The following UROS variants were observed in gnomAD, a reference collection of about 807,000 sequenced individuals.
UROS encodes the protein uroporphyrinogen III synthase.
In UROS, 18 loss-of-function variants were observed where a neutral mutation model predicts 33.0. The ratio of observed to expected loss-of-function variants is 0.55; its 90% CI spans 0.38 to 0.81. The LOEUF (loss-of-function observed/expected upper bound fraction) is 0.81, where lower values mean the gene tolerates loss of function less well. Ranked by LOEUF, UROS falls within the 30% of genes least tolerant of loss-of-function variation. UROS has a pLI of 0.00. For missense variants in UROS, 293 were observed against 314.9 expected, an observed-to-expected ratio of 0.93 and a Z score of 0.53; for synonymous variants, 114 against 121.1, an observed-to-expected ratio of 0.94 and a Z score of 0.38.
intron 1 of UROS, among the ~76,000 whole-genome samples, chr10:125,817,990 G>T (rs1853500952): frequency 6.6e-6 from 1 of 152,118 alleles, no homozygotes. Context: ...TTTCTCCTGG[G>T]TTCTAATCTG....
chr10:125,792,173 A>C (rs1001242484), intron 9 of UROS: 3 of 152,224 alleles, frequency 2.0e-5, no homozygotes, highest in African/African-American at 7.2e-5. Flanking sequence ...AAATTTGAAA[A>C]AAAGAAACTC....
In UROS at chr10:125,796,116, T is replaced by C. The variant is rs757604114; in HGVS notation, c.548A>G (p.Tyr183Cys). The change falls in exon 8 of 10, where the codon TAC becomes TGC. Residue 183 changes from tyrosine to cysteine, a missense_variant. By Grantham distance (194) the Tyr-to-Cys change is radical. Transcript: ENST00000368797. ...HPGIQGNLNS[Y>C]YSQQGVPASI... ...AACGCCACGTACCTGCTGGGAATAG[T>C]AGCTGTTCAGGTTCCCTTGGATTCC... 4 of 1,614,130 alleles carry C rather than the reference T, an allele frequency of 2.5e-6. No homozygotes were observed. Among genetic ancestry groups the C allele is most frequent in the Non-Finnish European group, 3.4e-6 (4 of 1,180,034 alleles).
intron 6 of UROS, chr10:125,801,989 A>G (rs1851872817): frequency 1.0e-6 from 1 of 983,116 alleles, no homozygotes; most frequent in East Asian, 1.1e-4. Flanking sequence ...ATTCTATTAA[A>G]GAGCTAATTG....
At chr10:125,805,052 C>A (rs1383099396) in intron 6 of UROS, among the ~76,000 whole-genome samples, 1 of 152,210 alleles carries the variant, frequency 6.6e-6, no homozygotes, top group East Asian at 1.9e-4. Context: ...GCAAGAGAGG[C>A]GTCAGTCAAT....
At chr10:125,802,798 G>A in intron 6 of UROS, 5 of 1,443,806 alleles carry the variant, frequency 3.5e-6, no homozygotes, top group Non-Finnish European at 4.5e-6. Context: ...TACAGACTGA[G>A]GCATCTGTGC....
chr10:125,794,628 G>A (rs1405730957), intron 9 of UROS, among the ~76,000 whole-genome samples: 5 of 152,214 alleles, frequency 3.3e-5, no homozygotes, highest in South Asian at 4.2e-4. Flanking sequence ...ATCCTAAGCA[G>A]GGAAGACCAT....
intron 1 of UROS, among the ~76,000 whole-genome samples, chr10:125,821,746 C>A (rs901857179): frequency 6.6e-6 from 1 of 152,142 alleles, no homozygotes; most frequent in Non-Finnish European, 1.5e-5. Context: ...CTAATCTTAG[C>A]CTTTTGATGG....
At chr10:125,800,993 G>A (rs571687212) in intron 6 of UROS, among the ~76,000 whole-genome samples, 38 of 152,352 alleles carry the variant, frequency 2.5e-4, no homozygotes, top group African/African-American at 7.7e-4. Flanking sequence ...AAAAAGTCCT[G>A]CATCAATGAC....
At chr10:125,819,134 G>A (rs764967126) in intron 1 of UROS, among the ~76,000 whole-genome samples, 7 of 152,202 alleles carry the variant, frequency 4.6e-5, no homozygotes, top group East Asian at 3.9e-4. Context: ...ACAGGCATGC[G>A]CCACCATGCC....
intron 1 of UROS, among the ~76,000 whole-genome samples, chr10:125,819,383 T>C (rs60572374): frequency 1.3e-5 from 2 of 152,264 alleles, no homozygotes; most frequent in African/African-American, 2.4e-5. Context: ...GGAGACAAGA[T>C]TGAGGTTGCT....
intron 6 of UROS, among the ~76,000 whole-genome samples, chr10:125,799,455 G>A (rs1271034707): frequency 6.6e-6 from 1 of 152,172 alleles, no homozygotes; most frequent in Non-Finnish European, 1.5e-5. Context: ...AGCTCTTCCT[G>A]GGGATCCAGT....
At chr10:125,812,573 A>G (rs946146798) in intron 4 of UROS, among the ~76,000 whole-genome samples, 2 of 152,240 alleles carry the variant, frequency 1.3e-5, no homozygotes, top group South Asian at 2.1e-4. Flanking sequence ...CACGAAATCA[A>G]CATAACTTGA....
At chr10:125,816,547 G>C in intron 1 of UROS, 22 bp from the exon 2 acceptor site, 1 of 1,612,084 alleles carries the variant, frequency 6.2e-7, no homozygotes. Context: ...CAAGGAAACA[G>C]ATCTTAATTA....
intron 5 of UROS, among the ~76,000 whole-genome samples, chr10:125,808,271 G>A (rs1426317944): frequency 6.6e-6 from 1 of 152,248 alleles, no homozygotes; most frequent in African/African-American, 2.4e-5. Flanking sequence ...GGAAGGAAGT[G>A]CTGTGGGCTT....
At chr10:125,812,146 A>T in intron 5 of UROS, 68 bp downstream of exon 5, 1 of 1,445,486 alleles carries the variant, frequency 6.9e-7, no homozygotes, top group Non-Finnish European at 9.7e-7. Context: ...AAACTGAGTT[A>T]AACTGTTTTT....
chr10:125,815,272 G>A, intron 3 of UROS, 142 bp from the exon 4 acceptor site: 1 of 896,692 alleles, frequency 1.1e-6, no homozygotes, highest in South Asian at 1.4e-5. Flanking sequence ...AACACTTACT[G>A]AGTGCTTACT....
At chr10:125,813,911 C>T (rs111972856) in intron 4 of UROS, among the ~76,000 whole-genome samples, 1 of 152,344 alleles carries the variant, frequency 6.6e-6, no homozygotes, top group Non-Finnish European at 1.5e-5. Flanking sequence ...AACCAAAACT[C>T]ACCACTGTCA....
At chr10:125,822,878 T>TAGCGGC (rs1333812716) in intron 1 of UROS, among the ~76,000 whole-genome samples, 151 bp downstream of exon 1, 1 of 152,134 alleles carries the variant, frequency 6.6e-6, no homozygotes, top group African/African-American at 2.4e-5. Context: ...GGCGCAGCGG[T>TAGCGGC]AGCGGCAGCG....
chr10:125,803,368 T>A (rs1025625015), intron 6 of UROS, among the ~76,000 whole-genome samples: 3 of 152,182 alleles, frequency 2.0e-5, no homozygotes, highest in African/African-American at 7.2e-5. Context: ...CAGGACCCCG[T>A]GGAAGCTGCC....
Sources: gnomAD v4.1 joint callset for allele counts (sites outside exome capture counted in the v4.1 genomes callset) on GRCh38, gnomAD v4.1.1 for gene constraint, MANE v1.5 for transcripts, NCBI Gene and HGNC (gene_info 2026-07-23, HGNC 2026-07-21) for gene names.